WFDC5: variants seen among roughly 807,000 people sequenced by gnomAD.
WFDC5 encodes the protein WAP four-disulfide core domain 5.
WFDC5 carries 15 observed loss-of-function variants against 15.7 expected under a neutral mutation model. The observed-to-expected ratio is 0.96, with a 90% CI of 0.64 to 1.47. The LOEUF is 1.47. Ranked by LOEUF, WFDC5 falls within the 40% of genes most tolerant of loss-of-function variation. The pLI is 0.00. For synonymous variants in WFDC5, 109 were observed against 107.7 expected (o/e 1.01, Z -0.07); for missense variants, 280 against 258.0 (o/e 1.09, Z -0.59).
intron 1 of WFDC5, among the ~76,000 whole-genome samples, chr20:45,112,151 A>C (rs1284257655): frequency 6.7e-6 from 1 of 150,284 alleles, no homozygotes; most frequent in African/African-American, 2.4e-5. Flanking sequence ...AGGGGGAAAA[A>C]GTGTGGGTTT....
intron 1 of WFDC5, 78 bp downstream of exon 1, chr20:45,114,921 C>A (rs1981717998): frequency 1.3e-6 from 2 of 1,513,194 alleles, no homozygotes; most frequent in African/African-American, 2.7e-5. Context: ...GCATTACCTG[C>A]CTTCCCCCAA....
upstream of WFDC5, chr20:45,115,168 G>A: frequency 7.5e-7 from 1 of 1,329,908 alleles, no homozygotes; most frequent in Non-Finnish European, 1.0e-6. Flanking sequence ...GTCAGGAGAG[G>A]AAAGAGAGGG....
In WFDC5 at chr20:45,109,794, C is replaced by A. The variant is rs573649568; in HGVS notation, c.613G>T (p.Glu205Ter). 1.4e-6 allele frequency: 1 copy of A among 739,168 alleles called. No individual in the cohort carries two copies. Among genetic ancestry groups the A allele is most frequent in the South Asian group, 1.5e-5 (1 of 68,086 alleles). 45.8% of individuals were successfully genotyped at this position (739,168 alleles called of 1,614,324 possible). Residue 205 changes from glutamate to a stop codon, truncating the protein, a stop_gained, in exon 4 of 4, where the codon GAA becomes TAA. Transcript: ENST00000307971. LOFTEE classifies it low-confidence loss of function (END_TRUNC). ...AGTACTGGGGTGATACAGAGGCCTT[C>A]CTCCGAGCTCAGGCTATGGACTTTG...
At chr20:45,109,491 A>G (rs1981547040) in exon 4 of WFDC5, 2 of 503,396 alleles carry the variant, frequency 4.0e-6, no homozygotes, top group Admixed American at 3.2e-5. Flanking sequence ...TTATTTATAT[A>G]CAAAAGTGAG....
chr20:45,111,550 G>A (rs534319408), intron 1 of WFDC5, among the ~76,000 whole-genome samples: 6 of 152,206 alleles, frequency 3.9e-5, no homozygotes, highest in Admixed American at 2.0e-4. Context: ...AGCTGGCCAC[G>A]TCTTCTGCAC....
upstream of WFDC5, chr20:45,115,293 A>C: frequency 1.8e-6 from 1 of 545,256 alleles, no homozygotes; most frequent in Non-Finnish European, 3.3e-6. Flanking sequence ...CACATCCTGC[A>C]TGTGGGGGAC....
At chr20:45,115,174 G>A, upstream of WFDC5, 1 of 1,290,090 alleles carries the variant, frequency 7.8e-7, no homozygotes, top group Non-Finnish European at 1.1e-6. Context: ...AGAGGAAAGA[G>A]AGGGGGTGTG....
exon 3 of WFDC5, chr20:45,110,411 T>A (rs759990352): frequency 6.2e-7 from 1 of 1,604,796 alleles, no homozygotes. Context: ...TCTGGCAGGA[T>A]CCCGGCAATC....
intron 1 of WFDC5, among the ~76,000 whole-genome samples, chr20:45,113,268 CTG>C (rs1156358532): frequency 6.6e-6 from 1 of 152,196 alleles, no homozygotes; most frequent in Non-Finnish European, 1.5e-5. Flanking sequence ...AGGCAACAAA[CTG>C]AGACTTCCCT....
chr20:45,110,464 G>T (rs762461234), exon 3 of WFDC5: 1 of 1,613,952 alleles, frequency 6.2e-7, no homozygotes, highest in East Asian at 2.2e-5. Flanking sequence ...TGCCCGAGCA[G>T]TCTGAGTCCT....
chr20:45,110,595 G>A (rs2145524262), intron 2 of WFDC5, 40 bp downstream of exon 2: 1 of 1,614,084 alleles, frequency 6.2e-7, no homozygotes, highest in Non-Finnish European at 8.5e-7. Context: ...CCTGAAGCTT[G>A]GGGCTTGGAT....
intron 1 of WFDC5, among the ~76,000 whole-genome samples, 171 bp downstream of exon 1, chr20:45,114,828 C>T (rs1408552355): frequency 6.6e-6 from 1 of 151,904 alleles, no homozygotes; most frequent in Non-Finnish European, 1.5e-5. Flanking sequence ...AAAACACAGG[C>T]TTCTGAAAGC....
chr20:45,109,748 G>T (rs1042288233), exon 4 of WFDC5: 1 of 719,052 alleles, frequency 1.4e-6, no homozygotes, highest in Non-Finnish European at 2.6e-6. Context: ...AGGGTGGGAA[G>T]CTCGTATGGC....
intron 1 of WFDC5, among the ~76,000 whole-genome samples, 200 bp from the exon 2 acceptor site, chr20:45,110,975 T>C (rs1981600899): frequency 6.6e-6 from 1 of 152,220 alleles, no homozygotes; most frequent in Non-Finnish European, 1.5e-5. Context: ...GCTGGGCTAG[T>C]TTGAGACTCA....
At position 45,110,033 on chromosome 20, in the gene WFDC5, G is replaced by A. The variant is rs199885524; in HGVS notation, c.394-20C>T. 6.2e-7 allele frequency: 1 copy of A among 1,608,400 alleles called. No homozygotes were observed. The highest frequency in any genetic ancestry group is 1.3e-5 in the African/African-American group (1 of 74,880). Reference sequence around the variant, plus strand: ...ATTAGCCTGAGGAGGGAGAAAGAAAGGGTTAATTCCTTCCCATAATAGGGC... The same window carrying A: ...ATTAGCCTGAGGAGGGAGAAAGAAAAGGTTAATTCCTTCCCATAATAGGGC... On this transcript the variant is annotated intron_variant, in intron 3 of 3. Coordinates refer to ENST00000307971, the Ensembl canonical transcript of WFDC5.
chr20:45,115,248 G>A (rs1981733091), upstream of WFDC5: 1 of 603,290 alleles, frequency 1.7e-6, no homozygotes, highest in Non-Finnish European at 2.9e-6. Flanking sequence ...TCAGTGCAAG[G>A]GATGCTGTCA....
chr20:45,115,094 C>T, exon 1 of WFDC5: 1 of 1,611,158 alleles, frequency 6.2e-7, no homozygotes, highest in Admixed American at 1.7e-5. Flanking sequence ...ATTTCTGCTG[C>T]CGGCTCAGGG....
chr20:45,110,447 C>G, exon 3 of WFDC5: 1 of 1,613,366 alleles, frequency 6.2e-7, no homozygotes, highest in Non-Finnish European at 8.5e-7. Flanking sequence ...GTGGCAGCAT[C>G]GCTTTTTGCC....
At chr20:45,115,366 T>C (rs1399376887), upstream of WFDC5, among the ~76,000 whole-genome samples, 1 of 152,236 alleles carries the variant, frequency 6.6e-6, no homozygotes, top group African/African-American at 2.4e-5. Flanking sequence ...CTTGTCTCTC[T>C]GGGCTTCAGT....
Sources: gnomAD v4.1 joint callset for allele counts (sites outside exome capture counted in the v4.1 genomes callset) on GRCh38, gnomAD v4.1.1 for gene constraint, MANE v1.5 for transcripts, NCBI Gene and HGNC (gene_info 2026-07-23, HGNC 2026-07-21) for gene names.